The following ARHGAP17 variants were observed in gnomAD, a reference collection of about 807,000 sequenced individuals.
ARHGAP17 encodes rho GTPase-activating protein 17.
A neutral mutation model predicts 99.5 loss-of-function variants in ARHGAP17; 57 were observed. The observed-to-expected ratio is 0.57, with a 90% CI of 0.46 to 0.71. The LOEUF (loss-of-function observed/expected upper bound fraction) is 0.71. Among genes scored for constraint, ARHGAP17 ranks in the 30% least tolerant of loss-of-function variants. The pLI is 0.00. For synonymous variants in ARHGAP17, 417 were observed against 429.6 expected, an observed-to-expected ratio of 0.97 and a Z score of 0.36; for missense variants, 1,000 against 1,122.4, an observed-to-expected ratio of 0.89 and a Z score of 1.56.
At chr16:24,959,593 G>A (rs2051920506) in intron 9 of ARHGAP17, 78 bp downstream of exon 9, 2 of 1,381,294 alleles carry the variant, frequency 1.4e-6, no homozygotes, top group African/African-American at 1.4e-5. Context: ...TGCATGCAGA[G>A]GAGTCAGGGT....
chr16:24,968,531 C>T, intron 5 of ARHGAP17, 104 bp from the exon 6 acceptor site: 2 of 1,500,076 alleles, frequency 1.3e-6, no homozygotes, highest in Non-Finnish European at 1.9e-6. Context: ...GATTTTGTAC[C>T]TTCAATTGAC....
chr16:24,971,493 A>G (rs1251845102), intron 3 of ARHGAP17, among the ~76,000 whole-genome samples: 1 of 151,884 alleles, frequency 6.6e-6, no homozygotes. Flanking sequence ...ACACCCAGCT[A>G]ATTTCTGTAC....
chr16:24,945,304 C>A (rs1305289604), intron 14 of ARHGAP17, among the ~76,000 whole-genome samples: 1 of 147,528 alleles, frequency 6.8e-6, no homozygotes, highest in African/African-American at 2.5e-5. Flanking sequence ...GCCTGGAGAA[C>A]AAAGCGAGAA....
intron 15 of ARHGAP17, 99 bp from the exon 16 acceptor site, chr16:24,942,242 T>C: frequency 1.7e-6 from 2 of 1,199,732 alleles, no homozygotes; most frequent in Non-Finnish European, 1.2e-6. Context: ...CGTTCTTCAG[T>C]CCACAGCCCT....
At chr16:25,008,829 T>C (rs1567273406) in intron 1 of ARHGAP17, among the ~76,000 whole-genome samples, 1 of 152,190 alleles carries the variant, frequency 6.6e-6, no homozygotes, top group Non-Finnish European at 1.5e-5. Flanking sequence ...ATTTTTATGG[T>C]TTTAGAGTTC....
Position 25,015,335 on chromosome 16 carries a change from G to A in ARHGAP17, c.-74C>T, listed in dbSNP as rs2053759390. 8.3e-7 allele frequency: 1 copy of A among 1,208,126 alleles called. No homozygotes were observed. 74.8% of individuals were successfully genotyped at this position (1,208,126 alleles called of 1,614,324 possible). A position where few individuals can be genotyped will look rare whatever the true frequency, so the allele number is the denominator to read the frequency against. The stretch of plus-strand genomic sequence containing the variant: ...GGGACAGCCTGGCAGCTACTACATC[G>A]CTTCCCGGCCCAAACGGCGGCGCGG... On this transcript the variant is annotated 5_prime_UTR_variant, in exon 1 of 20. Coordinates refer to ENST00000289968, the MANE Select transcript of ARHGAP17 (RefSeq NM_001006634.3).
chr16:25,008,073 G>A (rs866156559), intron 1 of ARHGAP17, among the ~76,000 whole-genome samples: 1 of 152,062 alleles, frequency 6.6e-6, no homozygotes, highest in African/African-American at 2.4e-5. Flanking sequence ...CAACCTTTGG[G>A]AATATGGGAA....
At chr16:24,965,875 C>T (rs2052165574) in intron 6 of ARHGAP17, among the ~76,000 whole-genome samples, 1 of 152,152 alleles carries the variant, frequency 6.6e-6, no homozygotes, top group Admixed American at 6.5e-5. Context: ...TAATGGATTC[C>T]TACTTATTAC....
chr16:25,012,517 A>C (rs7206132), intron 1 of ARHGAP17, among the ~76,000 whole-genome samples: 76,321 of 151,964 alleles, frequency 0.5, 20,864 homozygotes, highest in African/African-American at 0.73. Context: ...AAACAAAAAA[A>C]CCCTTTGCTT....
chr16:24,922,672 TA>T (rs200124170), intron 19 of ARHGAP17, among the ~76,000 whole-genome samples: 6 of 149,174 alleles, frequency 4.0e-5, no homozygotes, highest in African/African-American at 7.4e-5. Context: ...TAGCTAACAT[TA>T]AAAAAAAAAA....
intron 12 of ARHGAP17, among the ~76,000 whole-genome samples, chr16:24,952,083 C>G (rs762626558): frequency 2.6e-5 from 4 of 152,120 alleles, no homozygotes; most frequent in Non-Finnish European, 5.9e-5. Context: ...CAAATTTAAA[C>G]CAATGCCTAC....
intron 19 of ARHGAP17, among the ~76,000 whole-genome samples, chr16:24,926,455 T>G (rs1443749573): frequency 6.6e-6 from 1 of 151,864 alleles, no homozygotes; most frequent in African/African-American, 2.4e-5. Flanking sequence ...AGAGATGGGG[T>G]TTCCCCATGT....
chr16:24,950,990 G>A (rs780169245), intron 12 of ARHGAP17, among the ~76,000 whole-genome samples: 5 of 152,168 alleles, frequency 3.3e-5, no homozygotes, highest in African/African-American at 4.8e-5. Context: ...GGCAGTGTCC[G>A]TAGACGGGGA....
chr16:24,954,296 C>T (rs1053758378), intron 10 of ARHGAP17, among the ~76,000 whole-genome samples: 2 of 152,124 alleles, frequency 1.3e-5, no homozygotes, highest in African/African-American at 2.4e-5. Flanking sequence ...CAAATCACAA[C>T]CAGAGTTTTA....
intron 9 of ARHGAP17, 56 bp downstream of exon 9, chr16:24,959,615 C>T (rs1263129668): frequency 8.9e-5 from 139 of 1,558,692 alleles, no homozygotes; most frequent in Non-Finnish European, 1.1e-4. Context: ...AAGAAGAACC[C>T]AGGCAGAGGT....
Position 24,941,067 on chromosome 16 carries a change from T to C in ARHGAP17, c.1490+920A>G, listed in dbSNP as rs557025093. 5.3e-5 allele frequency among the ~76,000 whole-genome samples: 8 copies of C among 152,316 alleles called. No individual in the cohort carries two copies. In the South Asian group the frequency reaches 1.7e-3, roughly 32 times the overall value. On this transcript the variant is annotated intron_variant, in intron 16 of 19. Coordinates refer to ENST00000289968, the MANE Select transcript of ARHGAP17 (RefSeq NM_001006634.3). ...TGAGGGTTCAGAGAGGTAATACGTCTGCATAGAATAAATGTGGATTTTGGA... is the reference window on the plus strand; with the variant it reads ...TGAGGGTTCAGAGAGGTAATACGTCCGCATAGAATAAATGTGGATTTTGGA...
chr16:24,952,501 C>A, intron 11 of ARHGAP17, 131 bp from the exon 12 acceptor site: 2 of 615,330 alleles, frequency 3.3e-6, no homozygotes, highest in South Asian at 3.0e-5. Flanking sequence ...CATAAGTTGG[C>A]AAGAGTTGTT....
chr16:24,939,683 A>G (rs1379333288), intron 16 of ARHGAP17, 86 bp from the exon 17 acceptor site: 1 of 1,397,802 alleles, frequency 7.2e-7, no homozygotes, highest in African/African-American at 1.4e-5. Flanking sequence ...TTAAAACCAC[A>G]CATGGGGATA....
intron 7 of ARHGAP17, among the ~76,000 whole-genome samples, chr16:24,962,026 T>C (rs2052025765): frequency 6.7e-6 from 1 of 149,614 alleles, no homozygotes. Flanking sequence ...CACAAATTAA[T>C]GTGAAGGGCC....
Sources: gnomAD v4.1 joint callset for allele counts (sites outside exome capture counted in the v4.1 genomes callset) on GRCh38, gnomAD v4.1.1 for gene constraint, MANE v1.5 for transcripts, NCBI Gene and HGNC (gene_info 2026-07-23, HGNC 2026-07-21) for gene names.